Variants in CDH13 observed in about 807,000 individuals in gnomAD.
The protein encoded by CDH13 is cadherin 13.
In CDH13, 24 loss-of-function variants were observed where a neutral mutation model predicts 63.8. The observed-to-expected ratio is 0.38, with a 90% CI of 0.27 to 0.53. CDH13 has a LOEUF of 0.53. CDH13 is among the 20% of genes least tolerant of loss of function. The probability of loss-of-function intolerance (pLI) is 0.85; values close to 1 mark genes in which losing one functional copy is unlikely to be tolerated. For synonymous variants in CDH13, 503 were observed against 355.3 expected (o/e 1.42, Z -4.67); for missense variants, 1,049 against 903.1 (o/e 1.16, Z -2.07).
intron 8 of CDH13, among the ~76,000 whole-genome samples, chr16:83,667,573 T>C (rs949949265): frequency 1.3e-5 from 2 of 152,122 alleles, no homozygotes; most frequent in African/African-American, 2.4e-5. Flanking sequence ...TTAGGCACCA[T>C]TATCACAGTG....
At chr16:82,719,673 C>T (rs973750789) in intron 1 of CDH13, among the ~76,000 whole-genome samples, 5 of 151,982 alleles carry the variant, frequency 3.3e-5, no homozygotes, top group African/African-American at 1.2e-4. Flanking sequence ...TGGTGAAACC[C>T]CGTCTCTACT....
chr16:83,602,346 C>G (rs1907927179), intron 7 of CDH13, 108 bp from the exon 8 acceptor site: 1 of 1,055,272 alleles, frequency 9.5e-7, no homozygotes, highest in Non-Finnish European at 1.5e-6. Context: ...GATGCCTACC[C>G]TAGATGGAGG....
rs2091831138 is a variant in CDH13 at position 83,393,708 on chromosome 16, GA to G, written c.781+48704del. ...GAATTGAATCATTCATTCAATGAAT[GA>G]ATCCCCTGGTCAAGGAACCAGGCTC... On this transcript the variant is annotated intron_variant, in intron 6 of 13. Coordinates refer to ENST00000567109, the MANE Select transcript of CDH13 (RefSeq NM_001257.5). Among the ~76,000 whole-genome samples, 3 of 152,198 alleles carry G rather than the reference GA, an allele frequency of 2.0e-5. No individual in the cohort carries two copies. The South Asian group carries it at 6.2e-4, about 32-fold the overall frequency.
Position 83,281,740 on chromosome 16 carries a change from C to A in CDH13, c.637-63122C>A, listed in dbSNP as rs545299037. On this transcript the variant is annotated intron_variant, in intron 5 of 13. Transcript: ENST00000567109. ...CCTGGCCAACATAGTAAAACCTCATCTGTGCTTAAAAAAAAAAAAAAACGT... is the reference window on the plus strand; with the variant it reads ...CCTGGCCAACATAGTAAAACCTCATATGTGCTTAAAAAAAAAAAAAAACGT... 3.9e-3 allele frequency among the ~76,000 whole-genome samples: 585 copies of A among 149,632 alleles called. 4 individuals are homozygous for A. The highest frequency in any genetic ancestry group is 0.014 in the African/African-American group (556 of 40,280).
At chr16:83,066,817 C>A (rs1049687991) in intron 3 of CDH13, among the ~76,000 whole-genome samples, 3 of 152,198 alleles carry the variant, frequency 2.0e-5, no homozygotes, top group African/African-American at 4.8e-5. Context: ...TTCTACTCTA[C>A]CCTTCATGGA....
intron 7 of CDH13, among the ~76,000 whole-genome samples, chr16:83,528,032 G>T (rs760692517): frequency 2.6e-5 from 4 of 152,160 alleles, no homozygotes; most frequent in Non-Finnish European, 1.5e-5. Context: ...GACAATCCAA[G>T]TTCCCACAGA....
At chr16:83,190,912 A>T (rs1343107538) in intron 4 of CDH13, among the ~76,000 whole-genome samples, 1 of 151,988 alleles carries the variant, frequency 6.6e-6, no homozygotes, top group Non-Finnish European at 1.5e-5. Flanking sequence ...TGTAATTACT[A>T]AGCTGGCCAA....
At chr16:82,729,380 C>T (rs77272779) in intron 1 of CDH13, among the ~76,000 whole-genome samples, 7,154 of 152,108 alleles carry the variant, frequency 0.047, 256 homozygotes, top group Non-Finnish European at 0.073. Flanking sequence ...CCATGGGCTG[C>T]GCAATAGATG....
chr16:82,938,332 C>G lies in CDH13; in HGVS notation c.157+79859C>G, dbSNP rs9938860. Among the ~76,000 whole-genome samples, 349 of 152,314 alleles carry G rather than the reference C, an allele frequency of 2.3e-3. 2 individuals are homozygous for G. Among genetic ancestry groups the G allele is most frequent in the African/African-American group, 8.0e-3 (334 of 41,578 alleles). On this transcript the variant is annotated intron_variant, in intron 2 of 13. Coordinates refer to ENST00000567109, the MANE Select transcript of CDH13 (RefSeq NM_001257.5). ...AGCGCTAAGCTTCCTGGCGATTTGA[C>G]TTGATTCGGGAATAGAACTCAGTAA...
At chr16:83,142,160 G>GTTTTTTTTTTTTT (rs11445521) in intron 4 of CDH13, among the ~76,000 whole-genome samples, 4 of 120,376 alleles carry the variant, frequency 3.3e-5, no homozygotes, top group South Asian at 2.7e-4. Flanking sequence ...GTTTGTTTTT[G>GTTTTTTTTTTTTT]TTTTTTTTTT....
In CDH13 at chr16:83,655,827, G is replaced by A. The variant is rs546623835; in HGVS notation, c.1102-14963G>A. Among the ~76,000 whole-genome samples the A allele has an allele frequency of 6.4e-4, 97 of 152,308 alleles. No homozygotes were observed. In the Middle Eastern group the frequency reaches 0.02, roughly 32 times the overall value. On this transcript the variant is annotated intron_variant, in intron 8 of 13. Coordinates refer to ENST00000567109, the MANE Select transcript of CDH13 (RefSeq NM_001257.5). ...AATTTGTAACAAAATGACTCTGGCT[G>A]CTACTATGCAGAGGACAGGTTGTAG...
chr16:83,220,752 T>G (rs1183825438), intron 5 of CDH13, among the ~76,000 whole-genome samples: 3 of 151,834 alleles, frequency 2.0e-5, no homozygotes, highest in Non-Finnish European at 4.4e-5. Context: ...TAAAGTTAAG[T>G]GCTGCTCACA....
chr16:83,109,993 A>T (rs1322453571), intron 3 of CDH13, among the ~76,000 whole-genome samples: 1 of 152,214 alleles, frequency 6.6e-6, no homozygotes, highest in African/African-American at 2.4e-5. Context: ...GCAAATTTTC[A>T]TCCAAAGCGT....
intron 1 of CDH13, among the ~76,000 whole-genome samples, chr16:82,736,700 T>G (rs1452131213): frequency 1.3e-5 from 2 of 152,206 alleles, no homozygotes. Context: ...CAATAAATTT[T>G]TAGAAAAATC....
chr16:83,221,964 A>G (rs1488245450), intron 5 of CDH13, among the ~76,000 whole-genome samples: 1 of 152,238 alleles, frequency 6.6e-6, no homozygotes, highest in Non-Finnish European at 1.5e-5. Context: ...GATGAGGGCT[A>G]AACAGGTTCC....
At chr16:83,295,988 T>C (rs890770975) in intron 5 of CDH13, among the ~76,000 whole-genome samples, 2 of 152,196 alleles carry the variant, frequency 1.3e-5, no homozygotes, top group African/African-American at 4.8e-5. Flanking sequence ...AATTGTATCT[T>C]TATGAGCCTA....
chr16:83,034,113 G>C (rs1370818932), intron 3 of CDH13, among the ~76,000 whole-genome samples: 1 of 152,090 alleles, frequency 6.6e-6, no homozygotes, highest in Non-Finnish European at 1.5e-5. Context: ...CTGCAGAATA[G>C]CGAGGTTAAA....
intron 10 of CDH13, among the ~76,000 whole-genome samples, chr16:83,700,046 C>T (rs569998553): frequency 9.9e-5 from 15 of 152,206 alleles, no homozygotes; most frequent in Non-Finnish European, 1.6e-4. Flanking sequence ...TCCTCAGAAA[C>T]GTCCTGGACT....
chr16:83,013,239 G>C (rs1914340949), intron 2 of CDH13, among the ~76,000 whole-genome samples: 1 of 152,190 alleles, frequency 6.6e-6, no homozygotes, highest in Non-Finnish European at 1.5e-5. Flanking sequence ...GAATAGTGTG[G>C]CTGTATTCCA....
Sources: allele counts gnomAD v4.1 joint callset (sites outside exome capture counted in the v4.1 genomes callset), GRCh38; gene constraint gnomAD v4.1.1; transcripts MANE v1.5; gene names NCBI Gene and HGNC (gene_info 2026-07-23, HGNC 2026-07-21).